B3GALT1: variants seen among roughly 807,000 people sequenced by gnomAD.
B3GALT1 encodes the protein UDP-Gal:betaGlcNAc beta 1,3-galactosyltransferase, polypeptide 1.
A neutral mutation model predicts 23.2 loss-of-function variants in B3GALT1; 10 were observed. The observed-to-expected ratio is 0.43, with a 90% CI of 0.27 to 0.73. B3GALT1 has a LOEUF of 0.73. Among genes scored for constraint, B3GALT1 ranks in the 30% least tolerant of loss-of-function variants. The pLI, the probability that B3GALT1 is intolerant of heterozygous loss-of-function variation, is 0.21. For missense variants in B3GALT1, 299 were observed against 405.4 expected, an observed-to-expected ratio of 0.74 and a Z score of 2.25; for synonymous variants, 156 against 141.5, an observed-to-expected ratio of 1.10 and a Z score of -0.73.
chr2:167,732,224 A>C (rs939390911), intron 3 of B3GALT1, among the ~76,000 whole-genome samples: 4 of 152,230 alleles, frequency 2.6e-5, no homozygotes, highest in Non-Finnish European at 4.4e-5. Flanking sequence ...ATTAGAATAC[A>C]TTAAGAGGCA....
intron 2 of B3GALT1, among the ~76,000 whole-genome samples, chr2:167,542,430 A>G (rs1380168066): frequency 6.6e-6 from 1 of 152,206 alleles, no homozygotes; most frequent in African/African-American, 2.4e-5. Context: ...ATCAGGGTCT[A>G]TCATTTCTTC....
chr2:167,521,130 G>A (rs1256227528), intron 2 of B3GALT1, among the ~76,000 whole-genome samples: 1 of 152,084 alleles, frequency 6.6e-6, no homozygotes, highest in African/African-American at 2.4e-5. Context: ...TAAAGCATCA[G>A]TGATTTTGCC....
chr2:167,301,585 C>T (rs1038083250), intron 1 of B3GALT1, among the ~76,000 whole-genome samples: 1 of 152,168 alleles, frequency 6.6e-6, no homozygotes, highest in Admixed American at 6.5e-5. Flanking sequence ...GAGTCTTGTT[C>T]TGTCATCCAG....
At chr2:167,764,007 C>T (rs1323567763) in intron 3 of B3GALT1, among the ~76,000 whole-genome samples, 1 of 152,136 alleles carries the variant, frequency 6.6e-6, no homozygotes. Context: ...TAAAAGTATG[C>T]AATATATAGG....
At chr2:167,826,569 G>A (rs1455986881) in intron 4 of B3GALT1, among the ~76,000 whole-genome samples, 3 of 152,156 alleles carry the variant, frequency 2.0e-5, no homozygotes, top group Non-Finnish European at 2.9e-5. Context: ...TGGGGTGAGT[G>A]TAAGGGATCA....
At chr2:167,430,527 A>G (rs1418551542) in intron 1 of B3GALT1, among the ~76,000 whole-genome samples, 3 of 152,174 alleles carry the variant, frequency 2.0e-5, no homozygotes, top group Admixed American at 1.3e-4. Context: ...AGTAGCTTGT[A>G]TCATGGTAGT....
At chr2:167,589,222 A>G (rs1422343456) in intron 2 of B3GALT1, among the ~76,000 whole-genome samples, 4 of 152,194 alleles carry the variant, frequency 2.6e-5, no homozygotes, top group Non-Finnish European at 4.4e-5. Flanking sequence ...CTGGGCTATT[A>G]GGCATGAGCT....
intron 3 of B3GALT1, among the ~76,000 whole-genome samples, chr2:167,695,613 A>G (rs188649036): frequency 1.3e-5 from 2 of 152,252 alleles, no homozygotes; most frequent in African/African-American, 4.8e-5. Context: ...CTTTCTCAAC[A>G]CAATTATTTT....
chr2:167,810,595 C>G (rs1317610031), intron 3 of B3GALT1, among the ~76,000 whole-genome samples: 1 of 150,942 alleles, frequency 6.6e-6, no homozygotes, highest in Non-Finnish European at 1.5e-5. Flanking sequence ...AATTTTTACT[C>G]CAACATTGAC....
chr2:167,721,224 TG>T (rs1378784186), intron 3 of B3GALT1, among the ~76,000 whole-genome samples: 1 of 152,246 alleles, frequency 6.6e-6, no homozygotes, highest in East Asian at 1.9e-4. Context: ...ATTTATTTAA[TG>T]CAACCAGGAA....
intron 2 of B3GALT1, among the ~76,000 whole-genome samples, chr2:167,576,732 C>G (rs145405838): frequency 1.6e-3 from 244 of 151,536 alleles, no homozygotes; most frequent in African/African-American, 5.5e-3. Context: ...TCTATTCTGT[C>G]TTTCTAAAGG....
chr2:167,708,602 G>A (rs1050346672), intron 3 of B3GALT1, among the ~76,000 whole-genome samples: 12 of 152,064 alleles, frequency 7.9e-5, no homozygotes, highest in Admixed American at 3.9e-4. Context: ...CAGAGGTTGC[G>A]GTGAGCTGAG....
intron 1 of B3GALT1, among the ~76,000 whole-genome samples, chr2:167,458,014 G>A (rs1337934865): frequency 6.6e-6 from 1 of 152,084 alleles, no homozygotes; most frequent in Non-Finnish European, 1.5e-5. Flanking sequence ...GCAATTCAAT[G>A]TTATTAAATA....
At position 167,732,331 on chromosome 2, in the gene B3GALT1, T is replaced by TA. The variant is rs553882791; in HGVS notation, c.-352+85371dup. Among the ~76,000 whole-genome samples the TA allele has an allele frequency of 1.1e-4, 16 of 152,286 alleles. No individual in the cohort carries two copies. In the East Asian group the frequency reaches 3.1e-3, roughly 29 times the overall value. On this transcript the variant is annotated intron_variant, in intron 3 of 4. Transcript: ENST00000392690. ...AGTCTCCTCATTTTTGGCACCACAT[T>TA]AAAAAACAGAGTTGTGAGTAGTACT...
intron 1 of B3GALT1, among the ~76,000 whole-genome samples, chr2:167,418,560 G>A (rs1698502157): frequency 6.6e-6 from 1 of 152,104 alleles, no homozygotes; most frequent in Admixed American, 6.5e-5. Context: ...GAAGGCCATT[G>A]TAGAATTAAA....
At chr2:167,545,854 A>AT (rs1360094740) in intron 2 of B3GALT1, among the ~76,000 whole-genome samples, 2 of 152,186 alleles carry the variant, frequency 1.3e-5, no homozygotes, top group Non-Finnish European at 2.9e-5. Context: ...AGTGTTTTGA[A>AT]TTTCTGAAAT....
At chr2:167,339,971 A>G (rs907926798) in intron 1 of B3GALT1, among the ~76,000 whole-genome samples, 2 of 152,172 alleles carry the variant, frequency 1.3e-5, no homozygotes, top group Non-Finnish European at 2.9e-5. Context: ...CTGGAGAAAC[A>G]AAAATGGAGC....
At chr2:167,674,158 T>C (rs1165213930) in intron 3 of B3GALT1, among the ~76,000 whole-genome samples, 1 of 152,176 alleles carries the variant, frequency 6.6e-6, no homozygotes, top group East Asian at 1.9e-4. Context: ...AGAGGAAATT[T>C]ATATTTGTAT....
rs997643753 is a variant in B3GALT1, at chr2:167,504,092, G to A, written c.-410+13815G>A. On this transcript the variant is annotated intron_variant, in intron 2 of 4. Coordinates refer to ENST00000392690, the MANE Select transcript of B3GALT1 (RefSeq NM_020981.4). ...CTGGCTTCCTGGGCAGATATGCAGT[G>A]GGCACAATTTCATAACAGATTAATT... Among the ~76,000 whole-genome samples the A allele has an allele frequency of 3.9e-5, 6 of 152,068 alleles. No individual in the cohort carries two copies. In the East Asian group the frequency reaches 7.7e-4, roughly 20 times the overall value.
Sources: allele counts gnomAD v4.1 joint callset (sites outside exome capture counted in the v4.1 genomes callset), GRCh38; gene constraint gnomAD v4.1.1; transcripts MANE v1.5; gene names NCBI Gene and HGNC (gene_info 2026-07-23, HGNC 2026-07-21).